UBR3: variants seen among roughly 807,000 people sequenced by gnomAD.
The protein encoded by UBR3 is E3 ubiquitin-protein ligase UBR3.
UBR3 carries 85 observed loss-of-function variants against 243.2 expected under a neutral mutation model. The ratio of observed to expected loss-of-function variants is 0.35; its 90% confidence interval spans 0.29 to 0.42. UBR3 has a LOEUF of 0.42. UBR3 is among the 10% of genes least tolerant of loss of function. The pLI is 1.00. For missense variants in UBR3, 1,686 were observed against 2,300.8 expected (o/e 0.73, Z 5.47); for synonymous variants, 748 against 799.8 (o/e 0.94, Z 1.09).
chr2:169,873,703 C>A (rs80262332), intron 2 of UBR3, among the ~76,000 whole-genome samples: 1 of 151,930 alleles, frequency 6.6e-6, no homozygotes, highest in Non-Finnish European at 1.5e-5. Flanking sequence ...AAAAAAAGAA[C>A]AGAAAAAAGA....
chr2:169,926,977 ACTCACTGATACTAATACTTATGCATTAAC>A lies in UBR3; in HGVS notation c.2338+7_2338+35del, dbSNP rs1433453156. On this transcript the variant is annotated splice_region_variant and intron_variant, in intron 16 of 38. Transcript: ENST00000272793. The stretch of plus-strand genomic sequence containing the variant: ...GAGTCTTCGTTTACATTTAGGTAAA[ACTCACTGATACTAATACTTATGCATTAAC>A]TGTTTTCCTCCCTTTCTCCCCCTCC... 1 of 1,549,408 alleles carries A rather than the reference ACTCACTGATACTAATACTTATGCATTAAC, an allele frequency of 6.5e-7. No individual in the cohort carries two copies. Among genetic ancestry groups the A allele is most frequent in the Non-Finnish European group, 8.7e-7 (1 of 1,145,756 alleles).
At position 170,027,022 on chromosome 2, in the gene UBR3, G is replaced by C. The variant is rs76697956; in HGVS notation, c.4454-2324G>C. On this transcript the variant is annotated intron_variant, in intron 30 of 38. Coordinates refer to ENST00000272793, the MANE Select transcript of UBR3 (RefSeq NM_172070.4). The stretch of plus-strand genomic sequence containing the variant: ...ATTGAAGTTGTTAAAATGGTTATTT[G>C]GTCAGTTCCCTGAGACAGAGAGAGA... 2.0e-3 allele frequency among the ~76,000 whole-genome samples: 305 copies of C among 151,794 alleles called. 1 individual carries two copies. Among genetic ancestry groups the C allele is most frequent in the African/African-American group, 7.2e-3 (298 of 41,468 alleles).
intron 19 of UBR3, among the ~76,000 whole-genome samples, chr2:169,934,975 T>C (rs2086269260): frequency 6.6e-6 from 1 of 152,142 alleles, no homozygotes; most frequent in Admixed American, 6.5e-5. Context: ...CGAGTGAAAG[T>C]GGCTCATCCT....
At chr2:170,019,935 C>T (rs2090346065) in intron 30 of UBR3, among the ~76,000 whole-genome samples, 2 of 151,958 alleles carry the variant, frequency 1.3e-5, no homozygotes, top group Admixed American at 6.6e-5. Context: ...ACCATCAGGC[C>T]CGACTAATTT....
chr2:170,022,009 T>C (rs2090403989), intron 30 of UBR3, among the ~76,000 whole-genome samples: 2 of 152,026 alleles, frequency 1.3e-5, no homozygotes, highest in Non-Finnish European at 2.9e-5. Flanking sequence ...CTACCCCCAT[T>C]TTAAACGAGG....
chr2:170,016,802 G>T, intron 30 of UBR3: 1 of 552,822 alleles, frequency 1.8e-6, no homozygotes, highest in Non-Finnish European at 2.5e-6. Flanking sequence ...AGTCAATTTT[G>T]TAATTTAAAT....
At chr2:169,953,007 T>C (rs941399476) in intron 23 of UBR3, among the ~76,000 whole-genome samples, 1 of 152,200 alleles carries the variant, frequency 6.6e-6, no homozygotes, top group Admixed American at 6.5e-5. Context: ...GTATATCCTT[T>C]TATTTTGAAA....
intron 1 of UBR3, among the ~76,000 whole-genome samples, chr2:169,837,523 G>T (rs1371002304): frequency 6.6e-6 from 1 of 152,212 alleles, no homozygotes; most frequent in Admixed American, 6.5e-5. Context: ...GATTTATAAA[G>T]GAAAGAGGTT....
Position 169,828,068 on chromosome 2 carries a change from C to A in UBR3, c.545+16C>A. 2 of 1,358,820 alleles carry A rather than the reference C, an allele frequency of 1.5e-6. No homozygotes were observed. The highest frequency in any genetic ancestry group is 1.7e-5 in the South Asian group (1 of 60,546). 84.2% of individuals were successfully genotyped at this position (1,358,820 alleles called of 1,614,324 possible). On this transcript the variant is annotated intron_variant, in intron 1 of 38. Transcript: ENST00000272793. ...GGGAGAGCGGGTGAGTGGAGCCCTC[C>A]CCGCGGGCGAGGCGACCCTGGGCCG... is the stretch of plus-strand genomic sequence containing the variant.
intron 5 of UBR3, among the ~76,000 whole-genome samples, chr2:169,888,823 A>T (rs1306658156): frequency 1.3e-5 from 2 of 152,248 alleles, no homozygotes; most frequent in Non-Finnish European, 2.9e-5. Context: ...CTGTTTGGTC[A>T]CAATGAATAT....
intron 31 of UBR3, among the ~76,000 whole-genome samples, chr2:170,033,597 A>G (rs887628495): frequency 4.7e-5 from 3 of 63,752 alleles, no homozygotes; most frequent in East Asian, 1.0e-3. Context: ...CCCCCCCCCA[A>G]TATTTGCTCT....
intron 25 of UBR3, among the ~76,000 whole-genome samples, chr2:169,991,327 A>T (rs1033689797): frequency 6.6e-6 from 1 of 152,198 alleles, no homozygotes; most frequent in African/African-American, 2.4e-5. Flanking sequence ...ACTGTAAAAC[A>T]ACCAGACCTA....
At chr2:170,075,266 C>G (rs919833034) in intron 36 of UBR3, among the ~76,000 whole-genome samples, 2 of 151,948 alleles carry the variant, frequency 1.3e-5, no homozygotes, top group Non-Finnish European at 2.9e-5. Context: ...ATCTTCCTGT[C>G]TAGTAATTTC....
chr2:169,855,514 T>C (rs985250304), intron 1 of UBR3, among the ~76,000 whole-genome samples: 3 of 152,110 alleles, frequency 2.0e-5, no homozygotes, highest in Non-Finnish European at 4.4e-5. Flanking sequence ...GCAGTGTTTG[T>C]GTCCCTGGGT....
chr2:169,925,521 T>C, intron 13 of UBR3, 98 bp from the exon 14 acceptor site: 1 of 1,130,716 alleles, frequency 8.8e-7, no homozygotes, highest in Non-Finnish European at 1.2e-6. Flanking sequence ...GGGCTTATAC[T>C]ATGATCACAT....
chr2:169,910,412 T>A (rs1185906473), intron 10 of UBR3, among the ~76,000 whole-genome samples: 1 of 152,186 alleles, frequency 6.6e-6, no homozygotes, highest in Non-Finnish European at 1.5e-5. Flanking sequence ...TTATTCTGAC[T>A]ACTGTGTTTA....
Position 169,896,558 on chromosome 2 carries a change from C to T in UBR3, c.1288C>T (p.Leu430=). ...VQHYAFIMKT[L]KKSHESDTMS... ...GCATTATGCTTTCATTATGAAAACA[C>T]TGAAGAAAAGTCATGAATCAGACAC... The change falls in exon 8 of 39, where the codon CTG becomes TTG. Residue 430 remains leucine, a synonymous_variant. Transcript: ENST00000272793. The T allele has an allele frequency of 6.5e-7, 1 of 1,549,860 alleles. No individual in the cohort carries two copies. The highest frequency in any genetic ancestry group is 8.7e-7 in the Non-Finnish European group (1 of 1,145,918).
chr2:169,853,683 C>T (rs1043199401), intron 1 of UBR3, among the ~76,000 whole-genome samples: 2 of 152,092 alleles, frequency 1.3e-5, no homozygotes, highest in East Asian at 1.9e-4. Context: ...CTCCTGACCT[C>T]GGGTGATCCA....
chr2:169,989,744 TC>T (rs1355682002), intron 25 of UBR3, among the ~76,000 whole-genome samples: 2 of 152,208 alleles, frequency 1.3e-5, no homozygotes, highest in African/African-American at 4.8e-5. Flanking sequence ...AAAATCATTT[TC>T]TAAAGATAAT....
Sources: gnomAD v4.1 joint callset for allele counts (sites outside exome capture counted in the v4.1 genomes callset) on GRCh38, gnomAD v4.1.1 for gene constraint, MANE v1.5 for transcripts, NCBI Gene and HGNC (gene_info 2026-07-23, HGNC 2026-07-21) for gene names.